The following NPTN variants were observed in gnomAD, a reference collection of about 807,000 sequenced individuals.
NPTN encodes neuroplastin.
NPTN carries 5 observed loss-of-function variants against 42.7 expected under a neutral mutation model. That is an observed-to-expected ratio of 0.12 (90% CI 0.06 to 0.25). The LOEUF is 0.25. Among genes scored for constraint, NPTN ranks in the 10% least tolerant of loss-of-function variants. The probability of loss-of-function intolerance (pLI) is 1.00; values close to 1 mark genes in which losing one functional copy is unlikely to be tolerated. For missense variants in NPTN, 307 were observed against 525.4 expected, an observed-to-expected ratio of 0.58 and a Z score of 4.06; for synonymous variants, 180 against 201.9, an observed-to-expected ratio of 0.89 and a Z score of 0.92.
chr15:73,568,138 G>C, intron 6 of NPTN: 1 of 985,390 alleles, frequency 1.0e-6, no homozygotes, highest in Non-Finnish European at 1.2e-6. Flanking sequence ...CTGGGCAGGT[G>C]TCTGCACTTA....
intron 1 of NPTN, among the ~76,000 whole-genome samples, chr15:73,625,058 T>C: frequency 6.6e-6 from 1 of 152,330 alleles, no homozygotes; most frequent in Admixed American, 6.5e-5. Context: ...AAAATCCTTG[T>C]GTTAACAAAA....
At position 73,569,434 on chromosome 15, in the gene NPTN, A is replaced by G; in HGVS notation, c.1114+716T>C. ...ACCATCTCCTCCCTTCTCTGACCCT[A>G]GGCCAGCTTGAGGGCACAGCCTCGG... On this transcript the variant is annotated intron_variant, in intron 6 of 8. Coordinates refer to ENST00000345330, the MANE Select transcript of NPTN (RefSeq NM_012428.4). The surrounding 1 kb of genome is among the most constrained non-coding windows in gnomAD (Gnocchi z 4.1). The G allele has an allele frequency of 1.0e-6, 1 of 985,856 alleles. No individual in the cohort carries two copies. The highest frequency in any genetic ancestry group is 1.2e-6 in the Non-Finnish European group (1 of 830,318). The allele number at this position is 985,856 out of a possible 1,614,324, so 61.1% of individuals were successfully genotyped here.
intron 7 of NPTN, 138 bp downstream of exon 7, chr15:73,563,098 A>G (rs745455953): frequency 3.9e-5 from 26 of 665,452 alleles, no homozygotes; most frequent in Non-Finnish European, 6.9e-5. Context: ...ATCTGTGTCA[A>G]GCTAAGAAAT....
chr15:73,607,565 C>T (rs1294647445), intron 1 of NPTN, among the ~76,000 whole-genome samples: 1 of 152,116 alleles, frequency 6.6e-6, no homozygotes, highest in Admixed American at 6.5e-5. Flanking sequence ...AACAGCCATT[C>T]TCAGAAACCA....
chr15:73,573,210 G>C (rs980176811), intron 5 of NPTN, among the ~76,000 whole-genome samples: 1 of 152,160 alleles, frequency 6.6e-6, no homozygotes, highest in African/African-American at 2.4e-5. Flanking sequence ...CTCACCTTCA[G>C]TTACAGTAAT....
At chr15:73,609,306 T>C (rs1242245048) in intron 1 of NPTN, among the ~76,000 whole-genome samples, 3 of 152,156 alleles carry the variant, frequency 2.0e-5, no homozygotes, top group African/African-American at 7.2e-5. Context: ...TAGACTTCGC[T>C]TGAGTAGAGT....
At chr15:73,607,642 C>T (rs893857351) in intron 1 of NPTN, among the ~76,000 whole-genome samples, 7 of 152,078 alleles carry the variant, frequency 4.6e-5, no homozygotes, top group African/African-American at 1.7e-4. Context: ...GTTAGGTAAC[C>T]GTAGTCCTAG....
chr15:73,606,069 T>A (rs1051867435), intron 1 of NPTN, among the ~76,000 whole-genome samples: 4 of 151,984 alleles, frequency 2.6e-5, no homozygotes, highest in African/African-American at 9.7e-5. Flanking sequence ...TCAAAAAAAA[T>A]AAAAAGAAAA....
intron 4 of NPTN, among the ~76,000 whole-genome samples, chr15:73,577,102 T>G (rs1895740585): frequency 6.6e-6 from 1 of 152,250 alleles, no homozygotes; most frequent in African/African-American, 2.4e-5. Flanking sequence ...GTACTCCTCA[T>G]CCTAGGACTC....
Position 73,633,339 on chromosome 15 carries a change from T to G in NPTN, c.-124A>C. 2 of 678,020 alleles carry G rather than the reference T, an allele frequency of 2.9e-6. No homozygotes were observed. Among genetic ancestry groups the G allele is most frequent in the Non-Finnish European group, 4.5e-6 (2 of 442,846 alleles). 42.0% of individuals were successfully genotyped at this position (678,020 alleles called of 1,614,324 possible). A position where few individuals can be genotyped will look rare whatever the true frequency, so the allele number is the denominator to read the frequency against. ...AGTGAGCGAGGGAGGCAGCCGCGGC[T>G]CGGCTCCGTCCTTCCCCGTCCTCCT... On this transcript the variant is annotated 5_prime_UTR_variant, in exon 1 of 9. Coordinates refer to ENST00000345330, the MANE Select transcript of NPTN (RefSeq NM_012428.4).
intron 1 of NPTN, among the ~76,000 whole-genome samples, chr15:73,611,828 G>A (rs1897595140): frequency 6.6e-6 from 1 of 152,086 alleles, no homozygotes. Flanking sequence ...TGTGATAGTG[G>A]GGGCTGTATG....
chr15:73,605,088 A>T (rs1276576386), intron 1 of NPTN, among the ~76,000 whole-genome samples: 3 of 127,044 alleles, frequency 2.4e-5, no homozygotes, highest in South Asian at 2.9e-4. Flanking sequence ...CAGAGTAGAG[A>T]CCCTGTCTCA....
chr15:73,584,357 C>T (rs376870676), intron 4 of NPTN, among the ~76,000 whole-genome samples: 21 of 151,736 alleles, frequency 1.4e-4, no homozygotes, highest in Admixed American at 2.6e-4. Context: ...TAAATGATAC[C>T]GGGATTTTTA....
Position 73,569,492 on chromosome 15 carries a change from CTCTG to C in NPTN, c.1114+654_1114+657del, listed in dbSNP as rs1895242782. The C allele has an allele frequency of 8.1e-6, 8 of 985,326 alleles. No individual in the cohort carries two copies. The highest frequency in any genetic ancestry group is 3.5e-5 in the African/African-American group (2 of 57,232). The allele number at this position is 985,326 out of a possible 1,614,324, so 61.0% of individuals were successfully genotyped here. On this transcript the variant is annotated intron_variant, in intron 6 of 8. Coordinates refer to ENST00000345330, the MANE Select transcript of NPTN (RefSeq NM_012428.4). The surrounding 1 kb of genome is among the most constrained non-coding windows in gnomAD (Gnocchi z 4.1). ...ACTCCATTTGTTCCGCCTTTGCTATCTCTGTCTTACACTAGATGGGTGGATACAT... is the reference window on the plus strand; with the variant it reads ...ACTCCATTTGTTCCGCCTTTGCTATCTCTTACACTAGATGGGTGGATACAT...
intron 2 of NPTN, among the ~76,000 whole-genome samples, chr15:73,594,447 G>A (rs1566974453): frequency 6.6e-6 from 1 of 152,196 alleles, no homozygotes; most frequent in Non-Finnish European, 1.5e-5. Context: ...AGAGTCACTG[G>A]GAGCAAGTGG....
chr15:73,605,104 G>C (rs116897054), intron 1 of NPTN, among the ~76,000 whole-genome samples: 5,041 of 146,056 alleles, frequency 0.035, 209 homozygotes, highest in Non-Finnish European at 0.051. Context: ...TCTCAAGGGG[G>C]GGGGGGGAAA....
Position 73,612,303 on chromosome 15 carries a change from C to G in NPTN, c.92-14934G>C, listed in dbSNP as rs938280699. On this transcript the variant is annotated intron_variant, in intron 1 of 8. Coordinates refer to ENST00000345330, the MANE Select transcript of NPTN (RefSeq NM_012428.4). ...GGCATGGTGGTATGTACCTATAGTC[C>G]CAGCTACTCAAGAGGCTAAGGTGGA... is the stretch of plus-strand genomic sequence containing the variant. Among the ~76,000 whole-genome samples, 6 of 151,894 alleles carry G rather than the reference C, an allele frequency of 4.0e-5. No individual in the cohort carries two copies. In the East Asian group the frequency reaches 7.7e-4, roughly 20 times the overall value.
At chr15:73,609,352 C>T (rs901102195) in intron 1 of NPTN, among the ~76,000 whole-genome samples, 11 of 152,148 alleles carry the variant, frequency 7.2e-5, no homozygotes, top group East Asian at 1.9e-4. Context: ...GAATCCTGGC[C>T]GGGCGCAGTG....
In NPTN at chr15:73,564,154, G is replaced by C. The variant is rs148228164; in HGVS notation, c.1115-897C>G. Among the ~76,000 whole-genome samples the C allele has an allele frequency of 2.4e-3, 359 of 152,310 alleles. 2 individuals carry two copies. The highest frequency in any genetic ancestry group is 8.3e-3 in the African/African-American group (344 of 41,566). On this transcript the variant is annotated intron_variant, in intron 6 of 8. Transcript: ENST00000345330. ...AAGCAGAGATACACATTCACAGAGAGAGAATGTTTTAAAAAGACCCACAAG... is the reference window on the plus strand; with the variant it reads ...AAGCAGAGATACACATTCACAGAGACAGAATGTTTTAAAAAGACCCACAAG...
Sources: gnomAD v4.1 joint callset for allele counts (sites outside exome capture counted in the v4.1 genomes callset) on GRCh38, gnomAD v4.1.1 for gene constraint, Gnocchi (gnomAD v3.1) non-coding constraint, MANE v1.5 for transcripts, NCBI Gene and HGNC (gene_info 2026-07-23, HGNC 2026-07-21) for gene names.